Variants in RAD54L observed in about 807,000 individuals in gnomAD.
The protein encoded by RAD54L is DNA repair and recombination protein RAD54-like.
RAD54L carries 74 observed loss-of-function variants against 91.6 expected under a neutral mutation model. The observed-to-expected ratio is 0.81, with a 90% CI of 0.67 to 0.98. The LOEUF (loss-of-function observed/expected upper bound fraction) is 0.98. Ranked by LOEUF, RAD54L falls within the 50% of genes least tolerant of loss-of-function variation. The pLI is 0.00. For missense variants in RAD54L, 887 were observed against 945.7 expected, an observed-to-expected ratio of 0.94 and a Z score of 0.81; for synonymous variants, 304 against 349.7, an observed-to-expected ratio of 0.87 and a Z score of 1.46.
chr1:46,272,531 TTTG>T lies in RAD54L; in HGVS notation c.1240_1242del (p.Cys414del), dbSNP rs1296617365. 1.9e-6 allele frequency: 3 copies of T among 1,611,878 alleles called. No homozygotes were observed. In the South Asian group the frequency reaches 3.3e-5, roughly 18 times the overall value. ...CTGCCTGTGAAGATTGAGCAGGTCG[TTTG>T]TTGTAGGTACTGAACTCAACTGAAA... On this transcript the variant is annotated inframe_deletion, in exon 11 of 18. Coordinates refer to ENST00000371975, the MANE Select transcript of RAD54L (RefSeq NM_003579.4).
chr1:46,250,196 C>T (rs1659760610), intron 3 of RAD54L, 77 bp downstream of exon 3: 3 of 1,580,278 alleles, frequency 1.9e-6, no homozygotes, highest in Non-Finnish European at 2.6e-6. Flanking sequence ...TCCCTGTACA[C>T]TCCCTCAGTG....
At chr1:46,256,064 T>A (rs1659931701) in intron 3 of RAD54L, among the ~76,000 whole-genome samples, 1 of 152,028 alleles carries the variant, frequency 6.6e-6, no homozygotes, top group African/African-American at 2.4e-5. Context: ...CCTTTTCCTC[T>A]CATTTGACTT....
chr1:46,273,648 T>C lies in RAD54L; in HGVS notation c.1511T>C (p.Ile504Thr), dbSNP rs536821099. Reference sequence around the variant, plus strand: ...GGTAAGATGCTGGTCCTGGATTATATTCTGGCGGTGACCCGAAGCCGTAGC... The same window carrying C: ...GGTAAGATGCTGGTCCTGGATTATACTCTGGCGGTGACCCGAAGCCGTAGC... ...LSGKMLVLDYILAVTRSRSSD... is the reference protein window; with the variant it reads ...LSGKMLVLDYTLAVTRSRSSD... The change falls in exon 14 of 18, where the codon ATT becomes ACT. Residue 504 changes from isoleucine to threonine, a missense_variant. Physicochemically the swap from Ile to Thr is moderately conservative, Grantham distance 89 (BLOSUM62 -1). Transcript: ENST00000371975. 42 of 1,613,918 alleles carry C rather than the reference T, an allele frequency of 2.6e-5. No individual in the cohort carries two copies. In the South Asian group the frequency reaches 4.4e-4, roughly 17 times the overall value.
Position 46,261,009 on chromosome 1 carries a change from A to G in RAD54L, c.760A>G (p.Lys254Glu). 6.2e-7 allele frequency: 1 copy of G among 1,613,228 alleles called. No homozygotes were observed. Among genetic ancestry groups the G allele is most frequent in the Non-Finnish European group, 8.5e-7 (1 of 1,179,884 alleles). ...AGGATCTAAGGATGAAATAGACCAA[A>G]AGCTGGGTACGGAGCCCTAACAAAG... ...DGGSKDEIDQ[K>E]LEGFMNQRGA... Residue 254 changes from lysine (K) to glutamate (E), a missense_variant, in exon 7 of 18, where the codon AAG becomes GAG. Lys to Glu is a moderately conservative substitution (Grantham distance 56). Transcript: ENST00000371975.
Position 46,272,711 on chromosome 1 carries a change from G to C in RAD54L, c.1284G>C (p.Leu428=). The C allele has an allele frequency of 6.2e-7, 1 of 1,614,170 alleles. No homozygotes were observed. The highest frequency in any genetic ancestry group is 1.3e-5 in the African/African-American group (1 of 75,038). ...PLQTELYKRF[L]RQAKPAEELL... ...AGACTGAGTTATACAAGAGGTTTCT[G>C]AGACAAGCCAAACCGGCAGAAGAAT... Residue 428 remains leucine (L), a synonymous_variant, in exon 12 of 18, where the codon CTG becomes CTC. Coordinates refer to ENST00000371975, the MANE Select transcript of RAD54L (RefSeq NM_003579.4).
intron 1 of RAD54L, 21 bp downstream of exon 1, chr1:46,248,429 G>T (rs763775567): frequency 1.7e-5 from 28 of 1,613,992 alleles, no homozygotes; most frequent in Non-Finnish European, 2.4e-5. Context: ...GCCTAGGGGA[G>T]ACTGGGAATA....
At chr1:46,250,171 C>T (rs1245893634) in intron 3 of RAD54L, 52 bp downstream of exon 3, 1 of 1,609,872 alleles carries the variant, frequency 6.2e-7, no homozygotes, top group East Asian at 2.2e-5. Flanking sequence ...GTCACTCAGC[C>T]TAGGTAGACT....
chr1:46,249,672 T>G (rs1659745351), intron 2 of RAD54L, among the ~76,000 whole-genome samples: 1 of 152,206 alleles, frequency 6.6e-6, no homozygotes, highest in African/African-American at 2.4e-5. Flanking sequence ...TGCTCCATCA[T>G]TCCATGGAGC....
At position 46,248,423 on chromosome 1, in the gene RAD54L, A is replaced by AGG. The variant is rs763940599; in HGVS notation, c.3+18_3+19dup. The AGG allele has an allele frequency of 6.2e-7, 1 of 1,614,054 alleles. No individual in the cohort carries two copies. Among genetic ancestry groups the AGG allele is most frequent in the Non-Finnish European group, 8.5e-7 (1 of 1,179,998 alleles). ...GGCCCAGGATGGTAAGTGTGGGCCT[A>AGG]GGGGAGACTGGGAATAGCCCTGGGT... is the stretch of plus-strand genomic sequence containing the variant. On this transcript the variant is annotated intron_variant, in intron 1 of 17. Transcript: ENST00000371975.
At chr1:46,254,882 C>T (rs888970537) in intron 3 of RAD54L, among the ~76,000 whole-genome samples, 67 of 152,018 alleles carry the variant, frequency 4.4e-4, no homozygotes, top group Non-Finnish European at 5.9e-5. Flanking sequence ...TCACTGCAGC[C>T]GGTTGGGAGC....
rs542745601 is a variant in RAD54L at position 46,248,362 on chromosome 1, C to T, written c.-44C>T. 6.2e-7 allele frequency: 1 copy of T among 1,612,600 alleles called. No individual in the cohort carries two copies. The highest frequency in any genetic ancestry group is 2.2e-5 in the East Asian group (1 of 44,860). On this transcript the variant is annotated 5_prime_UTR_variant, in exon 1 of 18. Transcript: ENST00000371975. ...CTCTTAGCCGCTGCCTGCTTTTGAC[C>T]TTTGGCTCATGGGTACTTGACGTTT...
chr1:46,253,670 C>G (rs1450335807), intron 3 of RAD54L, among the ~76,000 whole-genome samples: 2 of 148,086 alleles, frequency 1.4e-5, no homozygotes, highest in Non-Finnish European at 3.0e-5. Context: ...AACTGCAATA[C>G]CGGATTTCTG....
chr1:46,277,309 A>G (rs144252282), intron 16 of RAD54L, among the ~76,000 whole-genome samples: 1 of 152,206 alleles, frequency 6.6e-6, no homozygotes. Flanking sequence ...CAAGTTTTCA[A>G]TACTGTTCTA....
Position 46,278,340 on chromosome 1 carries a change from T to C in RAD54L, c.*58T>C. ...AAGGAGATAGGGAAAAGGGGCTCCT[T>C]GCTCCACAGGGCCCTGTTGAATTTT... On this transcript the variant is annotated 3_prime_UTR_variant, in exon 18 of 18. Transcript: ENST00000371975. 6.6e-7 allele frequency: 1 copy of C among 1,515,752 alleles called. No homozygotes were observed. The highest frequency in any genetic ancestry group is 1.4e-5 in the African/African-American group (1 of 72,738). The allele number at this position is 1,515,752 out of a possible 1,614,324, so 93.9% of individuals were successfully genotyped here.
chr1:46,249,025 C>T (rs1251426747), intron 2 of RAD54L, among the ~76,000 whole-genome samples: 1 of 152,186 alleles, frequency 6.6e-6, no homozygotes, highest in African/African-American at 2.4e-5. Flanking sequence ...CCAGTCCTTG[C>T]TCATACTCAA....
intron 11 of RAD54L, 54 bp downstream of exon 11, chr1:46,272,594 A>G: frequency 6.2e-7 from 1 of 1,610,134 alleles, no homozygotes. Flanking sequence ...CTCCTGAAGC[A>G]TGGCTGGGCT....
intron 8 of RAD54L, among the ~76,000 whole-genome samples, chr1:46,262,735 T>A (rs1329404251): frequency 6.6e-6 from 1 of 152,146 alleles, no homozygotes; most frequent in Non-Finnish European, 1.5e-5. Context: ...TATCTGCAGC[T>A]ATCTGTTTAG....
chr1:46,261,828 C>T (rs1660137077), intron 8 of RAD54L, among the ~76,000 whole-genome samples: 2 of 152,030 alleles, frequency 1.3e-5, no homozygotes, highest in Admixed American at 1.3e-4. Flanking sequence ...TTTTTGAGGA[C>T]TTCAATATTT....
At chr1:46,261,204 G>GTTTTTTT (rs750795604) in intron 7 of RAD54L, 57 bp from the exon 8 acceptor site, 1 of 973,520 alleles carries the variant, frequency 1.0e-6, no homozygotes, top group African/African-American at 1.8e-5. Flanking sequence ...TGTTTTTTTT[G>GTTTTTTT]TTTTTTTTTT....
Sources: allele counts gnomAD v4.1 joint callset (sites outside exome capture counted in the v4.1 genomes callset), GRCh38; gene constraint gnomAD v4.1.1; transcripts MANE v1.5; gene names NCBI Gene and HGNC (gene_info 2026-07-23, HGNC 2026-07-21).